The following STAM variants were observed in gnomAD, a reference collection of about 807,000 sequenced individuals.
The protein encoded by STAM is signal transducing adapter molecule 1.
A neutral mutation model predicts 63.4 loss-of-function variants in STAM; 16 were observed. The ratio of observed to expected loss-of-function variants is 0.25; its 90% CI spans 0.17 to 0.38. STAM has a LOEUF of 0.38. Among genes scored for constraint, STAM ranks in the 10% least tolerant of loss-of-function variants. The pLI is 1.00. For synonymous variants in STAM, 238 were observed against 223.9 expected, an observed-to-expected ratio of 1.06 and a Z score of -0.56; for missense variants, 636 against 657.1, an observed-to-expected ratio of 0.97 and a Z score of 0.35.
At chr10:17,646,326 A>G (rs942471550) in intron 1 of STAM, among the ~76,000 whole-genome samples, 1 of 152,148 alleles carries the variant, frequency 6.6e-6, no homozygotes, top group African/African-American at 2.4e-5. Flanking sequence ...GCCCCCACTC[A>G]TGATTTTAGA....
Position 17,676,699 on chromosome 10 carries a change from A to G in STAM, c.126-7976A>G, listed in dbSNP as rs56884969. 8.1e-3 allele frequency among the ~76,000 whole-genome samples: 1,233 copies of G among 152,232 alleles called. 20 individuals are homozygous for G. Among genetic ancestry groups the G allele is most frequent in the African/African-American group, 0.028 (1,166 of 41,538 alleles). ...TCCTCTGTTATGTCCAGTTAACACC[A>G]TCTTTCACTCGCGAAAGGGTACTGC... On this transcript the variant is annotated intron_variant, in intron 2 of 13. Transcript: ENST00000377524.
At chr10:17,704,895 A>G in intron 10 of STAM, 75 bp from the exon 11 acceptor site, 1 of 1,233,044 alleles carries the variant, frequency 8.1e-7, no homozygotes, top group Non-Finnish European at 1.2e-6. Context: ...TCCTTAAATT[A>G]TACAAATATC....
In STAM at chr10:17,688,109, T is replaced by C; in HGVS notation, c.380T>C (p.Leu127Pro). 1 of 1,607,534 alleles carries C rather than the reference T, an allele frequency of 6.2e-7. No homozygotes were observed. Among genetic ancestry groups the C allele is most frequent in the Non-Finnish European group, 8.5e-7 (1 of 1,177,096 alleles). Residue 127 changes from leucine (L) to proline (P), a missense_variant, in exon 5 of 14, where the codon CTA (leucine) becomes CCA (proline). This residue lies in a region of STAM where 532 missense variants were observed against 536.9 expected (regional missense o/e 0.99). Transcript: ENST00000377524. ...DEFKNDPQLS[L>P]ISAMIKNLKE... The stretch of plus-strand genomic sequence containing the variant: ...TTTAAGAATGATCCACAGCTTAGTC[T>C]AATATCAGCAATGATTAAGAACCTT...
rs1835233880 is a variant in STAM at position 17,684,938 on chromosome 10, T to C, written c.297+11T>C. 6.3e-7 allele frequency: 1 copy of C among 1,593,842 alleles called. No homozygotes were observed. Among genetic ancestry groups the C allele is most frequent in the Non-Finnish European group, 8.6e-7 (1 of 1,164,768 alleles). ...AACGTATTAAATAAGGTAAGGAGCA[T>C]TATTTCCAGAAATTAATTAAGGCAG... On this transcript the variant is annotated intron_variant, in intron 4 of 13. Transcript: ENST00000377524.
chr10:17,703,355 A>C (rs1402238215), intron 9 of STAM, among the ~76,000 whole-genome samples: 1 of 149,954 alleles, frequency 6.7e-6, no homozygotes, highest in Admixed American at 6.6e-5. Flanking sequence ...TAGCATACTT[A>C]TGTCACTTTC....
At position 17,645,050 on chromosome 10, in the gene STAM, A is replaced by C. The variant is rs182342904; in HGVS notation, c.40+671A>C. 5.3e-5 allele frequency among the ~76,000 whole-genome samples: 8 copies of C among 152,292 alleles called. No individual in the cohort carries two copies. The East Asian group carries it at 1.5e-3, about 29-fold the overall frequency. On this transcript the variant is annotated intron_variant, in intron 1 of 13. Transcript: ENST00000377524. The stretch of plus-strand genomic sequence containing the variant: ...ATCTGGAAAGAGTTTGAAATGCTAC[A>C]TTTTTGTTGTTTTCTGAATCACTGG...
intron 5 of STAM, among the ~76,000 whole-genome samples, chr10:17,692,022 C>A (rs745496250): frequency 1.3e-5 from 2 of 152,092 alleles, no homozygotes; most frequent in South Asian, 4.2e-4. Context: ...CTGAATGAGC[C>A]CATCTCATCT....
intron 1 of STAM, among the ~76,000 whole-genome samples, chr10:17,652,955 TC>T (rs1417681897): frequency 1.3e-5 from 2 of 152,200 alleles, no homozygotes; most frequent in African/African-American, 4.8e-5. Flanking sequence ...AGTCTTTGTT[TC>T]CTAGGAGACA....
At chr10:17,684,365 C>T (rs1267334119) in intron 2 of STAM, among the ~76,000 whole-genome samples, 2 of 151,598 alleles carry the variant, frequency 1.3e-5, no homozygotes, top group African/African-American at 4.8e-5. Context: ...TAAGTCTGGT[C>T]TGTTTTTCCA....
At chr10:17,693,462 G>T (rs1475610779) in intron 6 of STAM, 150 bp downstream of exon 6, 3 of 572,484 alleles carry the variant, frequency 5.2e-6, no homozygotes, top group South Asian at 2.9e-5. Context: ...CTCTTGAGAG[G>T]CAATTACTGT....
rs921246363 is a variant in STAM, at chr10:17,705,110, A to T, written c.1055+86A>T. On this transcript the variant is annotated intron_variant, in intron 11 of 13. Coordinates refer to ENST00000377524, the MANE Select transcript of STAM (RefSeq NM_003473.4). ...GCAAAGTGGGCTATAACTGCCTTTTAAAAAAAAAATATTGTGGAGGAACCA... is the reference window on the plus strand; with the variant it reads ...GCAAAGTGGGCTATAACTGCCTTTTTAAAAAAAAATATTGTGGAGGAACCA... 2.2e-5 allele frequency: 17 copies of T among 769,310 alleles called. No homozygotes were observed. In the South Asian group the frequency reaches 2.3e-4, roughly 10 times the overall value. 47.7% of individuals were successfully genotyped at this position (769,310 alleles called of 1,614,324 possible).
intron 9 of STAM, among the ~76,000 whole-genome samples, chr10:17,701,319 A>G (rs17379487): frequency 0.046 from 6,965 of 152,320 alleles, 205 homozygotes; most frequent in Middle Eastern, 0.16. Context: ...CAAACTTATT[A>G]CCATGTTTTA....
chr10:17,659,620 C>T (rs1187264530), intron 1 of STAM, among the ~76,000 whole-genome samples: 1 of 151,832 alleles, frequency 6.6e-6, no homozygotes, highest in Non-Finnish European at 1.5e-5. Flanking sequence ...AGGTGCATGC[C>T]ACCAGGCCCA....
chr10:17,703,554 GT>G (rs2131679725), intron 9 of STAM, among the ~76,000 whole-genome samples: 1 of 152,104 alleles, frequency 6.6e-6, no homozygotes. Context: ...AGTGGTCATG[GT>G]AAAGTAGATC....
chr10:17,710,369 G>C (rs556684216), intron 13 of STAM, among the ~76,000 whole-genome samples: 5 of 152,140 alleles, frequency 3.3e-5, no homozygotes, highest in African/African-American at 1.2e-4. Flanking sequence ...TTCTGCATTC[G>C]GGATGTGAAA....
In STAM at chr10:17,696,925, A is replaced by C; in HGVS notation, c.823+56A>C. 4.1e-6 allele frequency: 6 copies of C among 1,447,546 alleles called. No homozygotes were observed. In the South Asian group the frequency reaches 7.0e-5, roughly 17 times the overall value. 89.7% of individuals were successfully genotyped at this position (1,447,546 alleles called of 1,614,324 possible). A position where few individuals can be genotyped will look rare whatever the true frequency, so the allele number is the denominator to read the frequency against. On this transcript the variant is annotated intron_variant, in intron 8 of 13. Transcript: ENST00000377524. ...TGTTTTCTAATCCTTTTCTTAATGGAAGTTGAGTAAACTGAACTTTTTAGA... is the reference window on the plus strand; with the variant it reads ...TGTTTTCTAATCCTTTTCTTAATGGCAGTTGAGTAAACTGAACTTTTTAGA...
At chr10:17,667,289 G>T (rs1554823542) in intron 2 of STAM, among the ~76,000 whole-genome samples, 1 of 152,148 alleles carries the variant, frequency 6.6e-6, no homozygotes, top group Non-Finnish European at 1.5e-5. Flanking sequence ...ACCATGCCCG[G>T]CTATTTTGTA....
intron 2 of STAM, among the ~76,000 whole-genome samples, chr10:17,672,399 G>A (rs1834676976): frequency 6.6e-6 from 1 of 152,200 alleles, no homozygotes; most frequent in African/African-American, 2.4e-5. Flanking sequence ...GAATTGAGCT[G>A]TATCATATAC....
chr10:17,665,510 G>T (rs1444868727), intron 2 of STAM, among the ~76,000 whole-genome samples: 4 of 151,672 alleles, frequency 2.6e-5, no homozygotes, highest in Non-Finnish European at 5.9e-5. Context: ...ATATTCTTCT[G>T]CATTTATTAC....
Sources: gnomAD v4.1 joint callset for allele counts (sites outside exome capture counted in the v4.1 genomes callset) on GRCh38, gnomAD v4.1.1 for gene constraint, gnomAD v4.1.1 regional missense constraint, MANE v1.5 for transcripts, NCBI Gene and HGNC (gene_info 2026-07-23, HGNC 2026-07-21) for gene names.